Variants in MACROD2 observed in about 807,000 individuals in gnomAD.
The protein encoded by MACROD2 is mono-ADP ribosylhydrolase 2, also known as ADP-ribose glycohydrolase MACROD2.
In MACROD2, 36 loss-of-function variants were observed where a neutral mutation model predicts 70.4. The observed-to-expected ratio is 0.51, with a 90% CI of 0.39 to 0.68. MACROD2 has a LOEUF of 0.68. Ranked by LOEUF, MACROD2 falls within the 30% of genes least tolerant of loss-of-function variation. The pLI is 0.00. For synonymous variants in MACROD2, 172 were observed against 178.8 expected, an observed-to-expected ratio of 0.96 and a Z score of 0.30; for missense variants, 496 against 538.4, an observed-to-expected ratio of 0.92 and a Z score of 0.78.
At chr20:15,339,440 T>C (rs377066487) in intron 6 of MACROD2, among the ~76,000 whole-genome samples, 1 of 151,830 alleles carries the variant, frequency 6.6e-6, no homozygotes, top group Non-Finnish European at 1.5e-5. Context: ...CCAGAGGCTG[T>C]TGATCATCCT....
chr20:14,616,960 T>C (rs1014858839), intron 4 of MACROD2, among the ~76,000 whole-genome samples: 13 of 152,164 alleles, frequency 8.5e-5, no homozygotes, highest in African/African-American at 3.1e-4. Flanking sequence ...AATTGAAGTA[T>C]AGACACTTGA....
chr20:15,568,056 T>G (rs1036570593), intron 8 of MACROD2, among the ~76,000 whole-genome samples: 1 of 152,232 alleles, frequency 6.6e-6, no homozygotes, highest in Admixed American at 6.5e-5. Context: ...AATTTTCTGT[T>G]GACTTTAGTT....
At chr20:15,087,203 A>G (rs2075755532) in intron 5 of MACROD2, among the ~76,000 whole-genome samples, 1 of 152,080 alleles carries the variant, frequency 6.6e-6, no homozygotes, top group South Asian at 2.1e-4. Context: ...TATTCAATTA[A>G]CAGAATTAAA....
chr20:14,562,787 T>G (rs1979524781), intron 4 of MACROD2, among the ~76,000 whole-genome samples: 1 of 151,876 alleles, frequency 6.6e-6, no homozygotes, highest in African/African-American at 2.4e-5. Flanking sequence ...TCCTTTCTCA[T>G]TCTTTCTTTC....
chr20:15,062,546 T>G (rs1480626325), intron 5 of MACROD2, among the ~76,000 whole-genome samples: 1 of 152,078 alleles, frequency 6.6e-6, no homozygotes, highest in East Asian at 1.9e-4. Context: ...AAAAAAATCC[T>G]TGGAGTAGAA....
rs1333104586 is a variant in MACROD2, at chr20:15,902,400, A to G, written c.775+16589A>G. Reference sequence around the variant, plus strand: ...GGGCTTTTATTCTAGGGTATGTGGCATTGGGGATTGGCAGATAAAAAATGG... The same window carrying G: ...GGGCTTTTATTCTAGGGTATGTGGCGTTGGGGATTGGCAGATAAAAAATGG... On this transcript the variant is annotated intron_variant, in intron 10 of 17. Transcript: ENST00000684519. 2.0e-5 allele frequency among the ~76,000 whole-genome samples: 3 copies of G among 152,208 alleles called. No individual in the cohort carries two copies. In the East Asian group the frequency reaches 5.8e-4, roughly 29 times the overall value.
chr20:15,623,207 T>A (rs2049152671), intron 8 of MACROD2, among the ~76,000 whole-genome samples: 1 of 152,152 alleles, frequency 6.6e-6, no homozygotes, highest in African/African-American at 2.4e-5. Flanking sequence ...TTCTAATTAT[T>A]TTTAAATAAC....
At chr20:14,804,957 G>A (rs181450814) in intron 5 of MACROD2, among the ~76,000 whole-genome samples, 18 of 151,788 alleles carry the variant, frequency 1.2e-4, no homozygotes, top group Non-Finnish European at 2.9e-5. Flanking sequence ...GTAAATTCTG[G>A]TGCCTCAACA....
chr20:14,076,067 G>A (rs1464663281), intron 2 of MACROD2, among the ~76,000 whole-genome samples: 1 of 152,178 alleles, frequency 6.6e-6, no homozygotes, highest in Non-Finnish European at 1.5e-5. Flanking sequence ...TGACAAAAAT[G>A]TAGACCAAAG....
chr20:14,660,115 C>T (rs1487807363), intron 4 of MACROD2, among the ~76,000 whole-genome samples: 2 of 152,182 alleles, frequency 1.3e-5, no homozygotes, highest in African/African-American at 4.8e-5. Flanking sequence ...TAAATACAGC[C>T]ATGGCTTAGC....
intron 16 of MACROD2, 38 bp downstream of exon 16, chr20:16,041,316 A>C (rs1438876184): frequency 1.3e-6 from 2 of 1,514,856 alleles, no homozygotes; most frequent in Admixed American, 1.8e-5. Flanking sequence ...GGAAACTACA[A>C]ATCTGGCATA....
Position 14,894,195 on chromosome 20 carries a change from A to G in MACROD2, c.418+209236A>G, listed in dbSNP as rs1265178724. On this transcript the variant is annotated intron_variant, in intron 5 of 17. Coordinates refer to ENST00000684519, the MANE Select transcript of MACROD2 (RefSeq NM_001351661.2). ...ACTGATAGAATCAAACTGAAACTTAAGACTATTTTATTTCTCATTTACCCC... is the reference window on the plus strand; with the variant it reads ...ACTGATAGAATCAAACTGAAACTTAGGACTATTTTATTTCTCATTTACCCC... The G allele has an allele frequency of 3.3e-5, 5 of 151,936 alleles. No individual in the cohort carries two copies. The South Asian group carries it at 8.3e-4, about 25-fold the overall frequency. The allele number at this position is 151,936 out of a possible 1,614,324, so 9.4% of individuals were successfully genotyped here.
At chr20:15,910,638 G>A (rs1209864237) in intron 10 of MACROD2, among the ~76,000 whole-genome samples, 1 of 152,148 alleles carries the variant, frequency 6.6e-6, no homozygotes, top group Non-Finnish European at 1.5e-5. Flanking sequence ...ACAACAGAAC[G>A]CAGAATGGCT....
rs557249694 is a variant in MACROD2 at position 15,690,348 on chromosome 20, A to T, written c.646-172397A>T. On this transcript the variant is annotated intron_variant, in intron 8 of 17. Coordinates refer to ENST00000684519, the MANE Select transcript of MACROD2 (RefSeq NM_001351661.2). ...ATCAAGGATGATTCTTAGGAATTTG[A>T]TTTAGGAAAATGATGCACTGTGGTG... Among the ~76,000 whole-genome samples the T allele has an allele frequency of 1.1e-4, 17 of 152,346 alleles. No homozygotes were observed. The South Asian group carries it at 3.5e-3, about 32-fold the overall frequency.
chr20:14,029,718 C>T (rs1306979959), intron 2 of MACROD2, among the ~76,000 whole-genome samples: 2 of 152,196 alleles, frequency 1.3e-5, no homozygotes, highest in Admixed American at 6.5e-5. Context: ...AATTTCTTCA[C>T]TGGGTGGTAA....
chr20:14,617,283 G>T (rs1204662148), intron 4 of MACROD2, among the ~76,000 whole-genome samples: 47 of 152,228 alleles, frequency 3.1e-4, no homozygotes, highest in Admixed American at 3.1e-3. Context: ...TCATTAGTGT[G>T]TGCTTCCAAG....
rs113383789 is a variant in MACROD2 at position 15,277,094 on chromosome 20, G to A, written c.540+47033G>A. ...AGATGGGGTGGCTTTGACAACTTCC[G>A]TATTTCCTCCCTGCCATTTTCAACC... On this transcript the variant is annotated intron_variant, in intron 6 of 17. Transcript: ENST00000684519. 4.1e-3 allele frequency among the ~76,000 whole-genome samples: 623 copies of A among 152,244 alleles called. 4 individuals carry two copies. The highest frequency in any genetic ancestry group is 0.014 in the African/African-American group (570 of 41,550).
intron 6 of MACROD2, among the ~76,000 whole-genome samples, chr20:15,323,880 A>T (rs1323113514): frequency 6.6e-6 from 1 of 152,146 alleles, no homozygotes; most frequent in Non-Finnish European, 1.5e-5. Flanking sequence ...TAGAGCAGGG[A>T]ATGCCATGTA....
intron 6 of MACROD2, among the ~76,000 whole-genome samples, chr20:15,267,391 C>T (rs896228321): frequency 6.6e-6 from 1 of 152,140 alleles, no homozygotes; most frequent in African/African-American, 2.4e-5. Context: ...TGCTCAATTT[C>T]TGGAGGATAG....
Sources: gnomAD v4.1 joint callset for allele counts (sites outside exome capture counted in the v4.1 genomes callset) on GRCh38, gnomAD v4.1.1 for gene constraint, MANE v1.5 for transcripts, NCBI Gene and HGNC (gene_info 2026-07-23, HGNC 2026-07-21) for gene names.